The following NUBPL variants were observed in gnomAD, a reference collection of about 807,000 sequenced individuals.
NUBPL encodes NUBP iron-sulfur cluster assembly factor, mitochondrial.
In NUBPL, 31 loss-of-function variants were observed where a neutral mutation model predicts 45.7. The observed-to-expected ratio is 0.68, with a 90% CI of 0.51 to 0.92. NUBPL has a LOEUF of 0.92. Ranked by LOEUF, NUBPL falls within the 40% of genes least tolerant of loss-of-function variation. The probability of loss-of-function intolerance (pLI) is 0.00; values close to 1 mark genes in which losing one functional copy is unlikely to be tolerated. For synonymous variants in NUBPL, 144 were observed against 140.9 expected, an observed-to-expected ratio of 1.02 and a Z score of -0.15; for missense variants, 401 against 398.7, an observed-to-expected ratio of 1.01 and a Z score of -0.05.
chr14:31,717,779 T>TAA (rs61520304), intron 6 of NUBPL, among the ~76,000 whole-genome samples: 105 of 148,454 alleles, frequency 7.1e-4, no homozygotes, highest in South Asian at 5.3e-3. Flanking sequence ...GGTGTTTGTT[T>TAA]AAAAAAAAAA....
At chr14:31,845,192 T>G (rs1409139274) in intron 8 of NUBPL, 2 of 152,170 alleles carry the variant, frequency 1.3e-5, no homozygotes, top group African/African-American at 4.8e-5. Flanking sequence ...CAGTTCAAAC[T>G]CATGTTCAAG....
At chr14:31,763,219 G>A (rs2038849580) in intron 6 of NUBPL, among the ~76,000 whole-genome samples, 1 of 152,094 alleles carries the variant, frequency 6.6e-6, no homozygotes, top group Non-Finnish European at 1.5e-5. Context: ...TGGAGGGTGT[G>A]GAAGGTCTCT....
intron 4 of NUBPL, among the ~76,000 whole-genome samples, chr14:31,641,092 C>T (rs769860699): frequency 3.3e-5 from 5 of 152,134 alleles, no homozygotes; most frequent in African/African-American, 4.8e-5. Flanking sequence ...GCTGGGACTA[C>T]AGGTGTGCAC....
chr14:31,804,773 A>G (rs1231430319), intron 7 of NUBPL, among the ~76,000 whole-genome samples: 1 of 152,182 alleles, frequency 6.6e-6, no homozygotes, highest in Non-Finnish European at 1.5e-5. Flanking sequence ...TACACCATAT[A>G]CAAAAATCAA....
chr14:31,769,162 A>C (rs1322906127), intron 6 of NUBPL, among the ~76,000 whole-genome samples: 4 of 152,312 alleles, frequency 2.6e-5, no homozygotes, highest in African/African-American at 9.6e-5. Context: ...TGTCCGGCGC[A>C]ACATATTATG....
chr14:31,562,045 T>A (rs757254088), intron 1 of NUBPL, 23 bp from the exon 2 acceptor site: 36 of 1,552,132 alleles, frequency 2.3e-5, no homozygotes, highest in South Asian at 7.1e-5. Flanking sequence ...AAAACGGCTT[T>A]TTATTATTAT....
intron 3 of NUBPL, among the ~76,000 whole-genome samples, chr14:31,569,562 T>C (rs796739374): frequency 2.7e-5 from 4 of 150,478 alleles, no homozygotes; most frequent in African/African-American, 9.8e-5. Flanking sequence ...TCCTTGCCTT[T>C]TATACTTTCC....
intron 4 of NUBPL, among the ~76,000 whole-genome samples, chr14:31,657,511 A>G (rs940250450): frequency 3.3e-5 from 5 of 152,058 alleles, no homozygotes; most frequent in African/African-American, 9.7e-5. Flanking sequence ...CTGTACCTCT[A>G]TTTATTTTCT....
In NUBPL at chr14:31,671,651, A is replaced by G. The variant is rs569568753; in HGVS notation, c.383-1704A>G. Reference sequence around the variant, plus strand: ...CTTTGGAAAGAATTGAGAAAATCACATAGAAGAAAAATAGTGCTTTCAAAT... The same window carrying G: ...CTTTGGAAAGAATTGAGAAAATCACGTAGAAGAAAAATAGTGCTTTCAAAT... On this transcript the variant is annotated intron_variant, in intron 4 of 10. Transcript: ENST00000281081. Among the ~76,000 whole-genome samples the G allele has an allele frequency of 2.5e-4, 38 of 152,358 alleles. No individual in the cohort carries two copies. In the South Asian group the frequency reaches 5.8e-3, roughly 23 times the overall value.
At chr14:31,755,449 T>G (rs1439298258) in intron 6 of NUBPL, among the ~76,000 whole-genome samples, 1 of 152,262 alleles carries the variant, frequency 6.6e-6, no homozygotes, top group African/African-American at 2.4e-5. Context: ...TGATGGCCGG[T>G]GATGCTGAGC....
intron 6 of NUBPL, among the ~76,000 whole-genome samples, chr14:31,755,304 C>G (rs958629085): frequency 6.6e-6 from 1 of 152,150 alleles, no homozygotes; most frequent in Non-Finnish European, 1.5e-5. Context: ...AACCAGTTTA[C>G]AGTCCCACCA....
intron 8 of NUBPL, among the ~76,000 whole-genome samples, chr14:31,835,487 G>A (rs935305923): frequency 2.6e-5 from 4 of 152,200 alleles, no homozygotes; most frequent in Admixed American, 2.0e-4. Context: ...TGGCAGTGAA[G>A]CATGATTATA....
At chr14:31,619,101 G>A (rs550430524) in intron 4 of NUBPL, among the ~76,000 whole-genome samples, 8 of 152,112 alleles carry the variant, frequency 5.3e-5, no homozygotes, top group Non-Finnish European at 7.3e-5. Context: ...GACTAGGATC[G>A]CAACCCATGC....
intron 6 of NUBPL, among the ~76,000 whole-genome samples, chr14:31,741,192 G>A (rs1475224509): frequency 6.6e-6 from 1 of 152,174 alleles, no homozygotes; most frequent in African/African-American, 2.4e-5. Context: ...CAGGCATGAT[G>A]TATGGGTAAA....
chr14:31,739,408 G>A (rs2038236218), intron 6 of NUBPL, among the ~76,000 whole-genome samples: 1 of 151,662 alleles, frequency 6.6e-6, no homozygotes, highest in Non-Finnish European at 1.5e-5. Context: ...TTGAAAATAT[G>A]TTGGTCAGTT....
intron 8 of NUBPL, among the ~76,000 whole-genome samples, chr14:31,828,262 A>G (rs1414932040): frequency 6.6e-6 from 1 of 152,204 alleles, no homozygotes; most frequent in Non-Finnish European, 1.5e-5. Context: ...GACAAACTAG[A>G]CACAAGTAAT....
intron 7 of NUBPL, among the ~76,000 whole-genome samples, chr14:31,791,425 C>T (rs1270717313): frequency 6.6e-6 from 1 of 151,872 alleles, no homozygotes; most frequent in African/African-American, 2.4e-5. Context: ...AAGTCTATTC[C>T]CTAGACAAGA....
intron 4 of NUBPL, among the ~76,000 whole-genome samples, chr14:31,622,648 C>T (rs1370048384): frequency 1.3e-5 from 2 of 152,214 alleles, no homozygotes; most frequent in Admixed American, 1.3e-4. Flanking sequence ...GCCATTCTTT[C>T]AGAGGGTGCA....
At chr14:31,615,626 C>T (rs1037391790) in intron 4 of NUBPL, among the ~76,000 whole-genome samples, 1 of 152,158 alleles carries the variant, frequency 6.6e-6, no homozygotes, top group Non-Finnish European at 1.5e-5. Context: ...AGGACATGAA[C>T]TCACCTTCTT....
Sources: allele counts gnomAD v4.1 joint callset (sites outside exome capture counted in the v4.1 genomes callset), GRCh38; gene constraint gnomAD v4.1.1; transcripts MANE v1.5; gene names NCBI Gene and HGNC (gene_info 2026-07-23, HGNC 2026-07-21).